Variants in ATP9A observed in about 807,000 individuals in gnomAD.
ATP9A encodes probable phospholipid-transporting ATPase IIA.
A neutral mutation model predicts 144.1 loss-of-function variants in ATP9A; 52 were observed. The ratio of observed to expected loss-of-function variants is 0.36; its 90% CI spans 0.29 to 0.45. ATP9A has a LOEUF of 0.45. ATP9A is among the 20% of genes least tolerant of loss of function. The pLI, the probability that ATP9A is intolerant of heterozygous loss-of-function variation, is 1.00. For missense variants in ATP9A, 947 were observed against 1,392.7 expected, an observed-to-expected ratio of 0.68 and a Z score of 5.09; for synonymous variants, 582 against 557.4, an observed-to-expected ratio of 1.04 and a Z score of -0.62.
At position 51,658,897 on chromosome 20, in the gene ATP9A, GGGGGGGAA is replaced by G. The variant is rs1285416419; in HGVS notation, c.1294-1755_1294-1748del. Among the ~76,000 whole-genome samples, 2 of 133,446 alleles carry G rather than the reference GGGGGGGAA, an allele frequency of 1.5e-5. 1 individual carries two copies. Among genetic ancestry groups the G allele is most frequent in the African/African-American group, 6.0e-5 (2 of 33,556 alleles). The allele number at this position is 133,446 out of a possible 152,430, so 87.5% of individuals were successfully genotyped here. Reference sequence around the variant, plus strand: ...AAATTAAGACCACTGGCGGGGGGGGGGGGGGGAAGGCTCATTGTTGAACACAAGCCAAA... The same window carrying G: ...AAATTAAGACCACTGGCGGGGGGGGGGGCTCATTGTTGAACACAAGCCAAA... On this transcript the variant is annotated intron_variant, in intron 13 of 27. Coordinates refer to ENST00000338821, the MANE Select transcript of ATP9A (RefSeq NM_006045.3).
chr20:51,624,875 C>T (rs959568415), intron 18 of ATP9A, among the ~76,000 whole-genome samples: 3 of 151,924 alleles, frequency 2.0e-5, no homozygotes, highest in African/African-American at 7.3e-5. Context: ...CGTGGTGGTA[C>T]GTGCCTGTAA....
At chr20:51,735,050 TA>T (rs2077757695) in intron 1 of ATP9A, 2 of 198,888 alleles carry the variant, frequency 1.0e-5, no homozygotes, top group Non-Finnish European at 1.1e-5. Context: ...CCCACGCCCC[TA>T]AAAGGCTTCA....
intron 1 of ATP9A, among the ~76,000 whole-genome samples, chr20:51,739,690 T>A (rs1370024770): frequency 6.6e-6 from 1 of 152,158 alleles, no homozygotes; most frequent in Non-Finnish European, 1.5e-5. Flanking sequence ...ATTTCAGGCA[T>A]GATGTGCGCA....
chr20:51,669,623 G>A (rs1324955381), intron 13 of ATP9A, among the ~76,000 whole-genome samples: 2 of 152,230 alleles, frequency 1.3e-5, no homozygotes, highest in East Asian at 3.9e-4. Context: ...TCTATTTATT[G>A]GGCATATAAT....
chr20:51,662,899 C>T (rs6067882), intron 13 of ATP9A, among the ~76,000 whole-genome samples: 74,446 of 151,356 alleles, frequency 0.49, 19,004 homozygotes, highest in East Asian at 0.8. Context: ...GGTGAAACCC[C>T]GTCTCTACTA....
At chr20:51,673,411 C>T (rs2077464335) in intron 11 of ATP9A, among the ~76,000 whole-genome samples, 1 of 152,086 alleles carries the variant, frequency 6.6e-6, no homozygotes, top group African/African-American at 2.4e-5. Context: ...TTTATTCAAC[C>T]TCCAAATCAG....
intron 4 of ATP9A, among the ~76,000 whole-genome samples, chr20:51,704,346 C>T (rs766396751): frequency 2.5e-4 from 37 of 150,316 alleles, no homozygotes; most frequent in Non-Finnish European, 4.6e-4. Flanking sequence ...TTGGGAATAA[C>T]AGTGCAATTT....
intron 1 of ATP9A, among the ~76,000 whole-genome samples, chr20:51,764,368 G>A (rs965599043): frequency 2.6e-5 from 4 of 152,238 alleles, no homozygotes; most frequent in Non-Finnish European, 4.4e-5. Flanking sequence ...AGCAATGGAG[G>A]TGAAATGCCT....
intron 14 of ATP9A, among the ~76,000 whole-genome samples, chr20:51,645,552 A>G (rs2077338970): frequency 6.6e-6 from 1 of 151,996 alleles, no homozygotes; most frequent in African/African-American, 2.4e-5. Context: ...AAAAAAAAAC[A>G]AGAACGTTCT....
At chr20:51,628,578 C>A (rs1217167177) in intron 16 of ATP9A, among the ~76,000 whole-genome samples, 1 of 152,224 alleles carries the variant, frequency 6.6e-6, no homozygotes, top group African/African-American at 2.4e-5. Context: ...AGAGGCCCAC[C>A]TGCAAGGAAT....
At chr20:51,631,321 T>A (rs1394419976) in intron 15 of ATP9A, among the ~76,000 whole-genome samples, 1 of 152,242 alleles carries the variant, frequency 6.6e-6, no homozygotes, top group African/African-American at 2.4e-5. Flanking sequence ...TTATCTCTGA[T>A]AGACTGTGGC....
intron 13 of ATP9A, among the ~76,000 whole-genome samples, chr20:51,661,552 T>G (rs1236561088): frequency 8.2e-6 from 1 of 122,600 alleles, no homozygotes; most frequent in East Asian, 2.2e-4. Flanking sequence ...TTTTTTTTGG[T>G]AGAGACAAGG....
chr20:51,632,419 T>C (rs1568794130), intron 15 of ATP9A, among the ~76,000 whole-genome samples: 1 of 152,186 alleles, frequency 6.6e-6, no homozygotes, highest in African/African-American at 2.4e-5. Flanking sequence ...TCACATCAGA[T>C]AACTGGACAG....
intron 1 of ATP9A, among the ~76,000 whole-genome samples, chr20:51,757,541 CTT>C (rs1338635623): frequency 6.6e-6 from 1 of 152,196 alleles, no homozygotes; most frequent in Non-Finnish European, 1.5e-5. Flanking sequence ...CACCAGAAGC[CTT>C]TCCCTGCTCG....
intron 1 of ATP9A, among the ~76,000 whole-genome samples, chr20:51,738,092 G>C (rs2077770186): frequency 6.7e-6 from 1 of 149,868 alleles, no homozygotes; most frequent in South Asian, 2.1e-4. Flanking sequence ...GCAGTGGTGT[G>C]ATCTTGGCCC....
At chr20:51,728,581 T>C (rs905470642) in intron 2 of ATP9A, among the ~76,000 whole-genome samples, 1 of 145,832 alleles carries the variant, frequency 6.9e-6, no homozygotes, top group Non-Finnish European at 1.5e-5. Context: ...TGAGCCAAGA[T>C]GGCTCACTGT....
chr20:51,657,525 T>C (rs565588120), intron 13 of ATP9A, among the ~76,000 whole-genome samples: 35 of 152,204 alleles, frequency 2.3e-4, no homozygotes, highest in African/African-American at 8.2e-4. Flanking sequence ...GGTACTCCTA[T>C]GTTGGGGGAC....
Position 51,670,011 on chromosome 20 carries a change from T to C in ATP9A, c.1279A>G (p.Ser427Gly). Residue 427 changes from serine (S) to glycine (G), a missense_variant, in exon 13 of 28, where the codon AGC (serine) becomes GGC (glycine). Physicochemically the swap from Ser to Gly is moderately conservative, Grantham distance 56 (BLOSUM62 0). Around this residue, in one of 2 missense-constraint regions of ATP9A, gnomAD observed 770 missense variants for 1,047.9 expected, o/e 0.73. Transcript: ENST00000338821. ...SMDEVQSHIF[S>G]IYTQQSQDPP... is the part of the protein sequence containing the mutation. ...GAAGGCTTTACCTGGGTGTAAATGC[T>C]GAAAATGTGGCTTTGTACTTCGTCC... 2 of 1,613,836 alleles carry C rather than the reference T, an allele frequency of 1.2e-6. No individual in the cohort carries two copies. The highest frequency in any genetic ancestry group is 1.7e-6 in the Non-Finnish European group (2 of 1,179,804).
intron 27 of ATP9A, among the ~76,000 whole-genome samples, chr20:51,602,467 C>T (rs2077147114): frequency 2.0e-5 from 3 of 152,214 alleles, no homozygotes; most frequent in Admixed American, 2.0e-4. Context: ...TCTGTGACCA[C>T]CTCAGGCCCA....
Sources: gnomAD v4.1 joint callset for allele counts (sites outside exome capture counted in the v4.1 genomes callset) on GRCh38, gnomAD v4.1.1 for gene constraint, gnomAD v4.1.1 regional missense constraint, MANE v1.5 for transcripts, NCBI Gene and HGNC (gene_info 2026-07-23, HGNC 2026-07-21) for gene names.